The following ZNF804B variants were observed in gnomAD, a reference collection of about 807,000 sequenced individuals.
ZNF804B encodes zinc finger 804B.
ZNF804B carries 80 observed loss-of-function variants against 101.4 expected under a neutral mutation model. The ratio of observed to expected loss-of-function variants is 0.79; its 90% CI spans 0.66 to 0.95. The LOEUF (loss-of-function observed/expected upper bound fraction) is 0.95, where lower values mean the gene tolerates loss of function less well. ZNF804B is among the 40% of genes least tolerant of loss of function. The probability of loss-of-function intolerance (pLI) is 0.00; values close to 1 mark genes in which losing one functional copy is unlikely to be tolerated. For synonymous variants in ZNF804B, 622 were observed against 558.8 expected (o/e 1.11, Z -1.59); for missense variants, 1,673 against 1,561.9 (o/e 1.07, Z -1.20).
intron 1 of ZNF804B, among the ~76,000 whole-genome samples, chr7:88,895,256 A>G (rs1792268439): frequency 6.6e-6 from 1 of 152,218 alleles, no homozygotes; most frequent in Admixed American, 6.5e-5. Context: ...TGTACATGGA[A>G]GTGGAACAAA....
chr7:89,044,510 G>A (rs559984308), intron 1 of ZNF804B, among the ~76,000 whole-genome samples: 13 of 152,162 alleles, frequency 8.5e-5, no homozygotes, highest in Non-Finnish European at 1.9e-4. Flanking sequence ...GGGCTTACAA[G>A]AAGATAAGAA....
intron 2 of ZNF804B, among the ~76,000 whole-genome samples, chr7:89,224,709 AGTATGTGT>A (rs1348312790): frequency 4.7e-5 from 4 of 84,652 alleles, no homozygotes; most frequent in South Asian, 5.0e-4. Context: ...TTTCTGGCAA[AGTATGTGT>A]GTGTGTGTGT....
At chr7:89,121,002 G>A (rs1194662390) in intron 1 of ZNF804B, among the ~76,000 whole-genome samples, 3 of 152,058 alleles carry the variant, frequency 2.0e-5, no homozygotes, top group African/African-American at 7.2e-5. Context: ...TATATTAAAC[G>A]ACTTAGTCAT....
chr7:89,197,277 G>A (rs956847038), intron 1 of ZNF804B, among the ~76,000 whole-genome samples: 1 of 151,724 alleles, frequency 6.6e-6, no homozygotes, highest in Non-Finnish European at 1.5e-5. Context: ...AAACAAAACG[G>A]AACAGAACAA....
intron 1 of ZNF804B, among the ~76,000 whole-genome samples, chr7:88,889,882 T>C (rs1236568868): frequency 1.3e-5 from 2 of 152,154 alleles, no homozygotes; most frequent in Non-Finnish European, 2.9e-5. Context: ...TTCCTAGCTT[T>C]TCTTCTAGGA....
chr7:88,877,049 ATTTT>A (rs869097226), intron 1 of ZNF804B, among the ~76,000 whole-genome samples: 17 of 13,894 alleles, frequency 1.2e-3, no homozygotes, highest in African/African-American at 1.3e-3. Flanking sequence ...ATATATATAT[ATTTT>A]TTTTTTTTTT....
At chr7:89,333,260 A>G (rs1271548412) in intron 3 of ZNF804B, 103 bp from the exon 4 acceptor site, 1 of 1,170,894 alleles carries the variant, frequency 8.5e-7, no homozygotes, top group Non-Finnish European at 1.2e-6. Context: ...TGTAGCTCAT[A>G]AAATGTAAAA....
intron 1 of ZNF804B, among the ~76,000 whole-genome samples, chr7:88,781,137 C>T (rs897537368): frequency 1.2e-4 from 19 of 152,092 alleles, no homozygotes; most frequent in Non-Finnish European, 2.9e-5. Flanking sequence ...AAAATTCCTT[C>T]GTATGTATAT....
chr7:88,883,919 G>T (rs1259794125), intron 1 of ZNF804B, among the ~76,000 whole-genome samples: 2 of 151,814 alleles, frequency 1.3e-5, no homozygotes, highest in Non-Finnish European at 2.9e-5. Flanking sequence ...TATTTTAGAA[G>T]ACAATAACAT....
intron 1 of ZNF804B, among the ~76,000 whole-genome samples, chr7:89,065,687 G>A (rs932119771): frequency 2.0e-5 from 3 of 152,108 alleles, no homozygotes. Flanking sequence ...AAGGCTTCTG[G>A]TGGGGTTGGG....
chr7:88,761,625 C>G (rs1789898019), intron 1 of ZNF804B, among the ~76,000 whole-genome samples: 1 of 152,136 alleles, frequency 6.6e-6, no homozygotes, highest in Admixed American at 6.5e-5. Flanking sequence ...AATGTTCTGC[C>G]TTTCTCACAG....
intron 1 of ZNF804B, among the ~76,000 whole-genome samples, chr7:89,201,663 A>G (rs561333485): frequency 6.6e-6 from 1 of 152,064 alleles, no homozygotes; most frequent in African/African-American, 2.4e-5. Context: ...AATGGGAGAT[A>G]GTAATAATAT....
At chr7:88,775,130 A>G (rs911984623) in intron 1 of ZNF804B, among the ~76,000 whole-genome samples, 9 of 152,236 alleles carry the variant, frequency 5.9e-5, no homozygotes, top group East Asian at 1.9e-4. Context: ...AAAAATGTAT[A>G]AGAATTTAAA....
chr7:89,067,343 T>C (rs561085152), intron 1 of ZNF804B, among the ~76,000 whole-genome samples: 1 of 152,296 alleles, frequency 6.6e-6, no homozygotes, highest in East Asian at 1.9e-4. Flanking sequence ...GCTTACTTGA[T>C]TGAGTTAGGC....
intron 2 of ZNF804B, among the ~76,000 whole-genome samples, chr7:89,220,477 T>C (rs1378128981): frequency 6.6e-6 from 1 of 151,866 alleles, no homozygotes; most frequent in Non-Finnish European, 1.5e-5. Context: ...CGTATATAAA[T>C]GTGAACTAAT....
intron 2 of ZNF804B, among the ~76,000 whole-genome samples, chr7:89,301,374 C>T (rs1790472009): frequency 6.6e-6 from 1 of 151,634 alleles, no homozygotes; most frequent in Non-Finnish European, 1.5e-5. Context: ...TGATGTGACT[C>T]ATTATTTTCT....
intron 1 of ZNF804B, among the ~76,000 whole-genome samples, chr7:89,189,024 T>G (rs1008282977): frequency 2.0e-5 from 3 of 152,158 alleles, no homozygotes; most frequent in Admixed American, 6.6e-5. Context: ...TGGAAGAAGA[T>G]ACCATATACA....
intron 1 of ZNF804B, among the ~76,000 whole-genome samples, chr7:88,914,922 A>G (rs867604499): frequency 2.1e-4 from 32 of 152,198 alleles, no homozygotes; most frequent in Non-Finnish European, 8.8e-5. Context: ...TTTAAGTTAA[A>G]ATTTAAGGCG....
At chr7:89,056,805 G>A (rs907507930) in intron 1 of ZNF804B, among the ~76,000 whole-genome samples, 1 of 152,140 alleles carries the variant, frequency 6.6e-6, no homozygotes, top group African/African-American at 2.4e-5. Flanking sequence ...ATTGCCTGAT[G>A]CACACAGCAA....
Sources: gnomAD v4.1 joint callset for allele counts (sites outside exome capture counted in the v4.1 genomes callset) on GRCh38, gnomAD v4.1.1 for gene constraint, MANE v1.5 for transcripts, NCBI Gene and HGNC (gene_info 2026-07-23, HGNC 2026-07-21) for gene names.